The following MAP2K6 variants were observed in gnomAD, a reference collection of about 807,000 sequenced individuals.
MAP2K6 encodes the protein dual specificity mitogen-activated protein kinase kinase 6.
MAP2K6 carries 16 observed loss-of-function variants against 53.7 expected under a neutral mutation model. The observed-to-expected ratio is 0.30, with a 90% CI of 0.20 to 0.45. The LOEUF (loss-of-function observed/expected upper bound fraction) is 0.45, where lower values mean the gene tolerates loss of function less well. Among genes scored for constraint, MAP2K6 ranks in the 20% least tolerant of loss-of-function variants. The probability of loss-of-function intolerance (pLI) is 1.00; values close to 1 mark genes in which losing one functional copy is unlikely to be tolerated. For missense variants in MAP2K6, 204 were observed against 411.9 expected (o/e 0.50, Z 4.37); for synonymous variants, 132 against 143.1 (o/e 0.92, Z 0.55).
At chr17:69,475,170 T>G (rs1054392586) in intron 1 of MAP2K6, among the ~76,000 whole-genome samples, 3 of 144,528 alleles carry the variant, frequency 2.1e-5, no homozygotes, top group Non-Finnish European at 3.0e-5. Context: ...CTGTGTTTTT[T>G]TTTTTTTTTT....
At chr17:69,508,092 C>T (rs1909622308) in intron 2 of MAP2K6, among the ~76,000 whole-genome samples, 1 of 79,674 alleles carries the variant, frequency 1.3e-5, no homozygotes, top group South Asian at 4.7e-4. Flanking sequence ...GCTCTTGTTG[C>T]CCAGGCTGCA....
At chr17:69,523,308 G>C (rs866517152) in intron 7 of MAP2K6, among the ~76,000 whole-genome samples, 1 of 152,184 alleles carries the variant, frequency 6.6e-6, no homozygotes, top group Non-Finnish European at 1.5e-5. Context: ...ATTCTACAAG[G>C]CATGAACAAA....
chr17:69,422,578 G>A lies in MAP2K6; in HGVS notation c.16+7578G>A, dbSNP rs182510149. 3.1e-3 allele frequency among the ~76,000 whole-genome samples: 478 copies of A among 152,250 alleles called. 2 individuals are homozygous for A. The highest frequency in any genetic ancestry group is 4.7e-3 in the Non-Finnish European group (320 of 68,020). The stretch of plus-strand genomic sequence containing the variant: ...TTAGTCTTCTTTGGACAGACCATTA[G>A]CCCCAGGTGGAGCTGCTGATCACAA... On this transcript the variant is annotated intron_variant, in intron 1 of 11. Coordinates refer to ENST00000590474, the MANE Select transcript of MAP2K6 (RefSeq NM_002758.4).
chr17:69,481,656 C>T (rs530859106), intron 1 of MAP2K6, among the ~76,000 whole-genome samples: 3 of 152,170 alleles, frequency 2.0e-5, no homozygotes, highest in Admixed American at 2.0e-4. Flanking sequence ...AAATGACTGT[C>T]CCTCTCTATA....
chr17:69,511,650 G>A (rs1032047989), intron 2 of MAP2K6, among the ~76,000 whole-genome samples: 1 of 152,180 alleles, frequency 6.6e-6, no homozygotes, highest in African/African-American at 2.4e-5. Context: ...CAAACAGAAC[G>A]ATGCAACGGT....
At chr17:69,467,425 A>AAAGTG (rs1907849789) in intron 1 of MAP2K6, among the ~76,000 whole-genome samples, 1 of 152,246 alleles carries the variant, frequency 6.6e-6, no homozygotes, top group Admixed American at 6.5e-5. Flanking sequence ...GTAGCCAGGA[A>AAAGTG]GGCTTGAGAT....
chr17:69,438,635 G>A (rs1906723170), intron 1 of MAP2K6, among the ~76,000 whole-genome samples: 1 of 152,152 alleles, frequency 6.6e-6, no homozygotes, highest in African/African-American at 2.4e-5. Flanking sequence ...CACCCAGGCT[G>A]TAATGCAGTG....
rs144100341 is a variant in MAP2K6 at position 69,457,922 on chromosome 17, C to T, written c.16+42922C>T. 3.7e-3 allele frequency among the ~76,000 whole-genome samples: 571 copies of T among 152,312 alleles called. 3 individuals carry two copies. The highest frequency in any genetic ancestry group is 0.012 in the African/African-American group (510 of 41,558). Reference sequence around the variant, plus strand: ...GAAGATTCCTGTGCACATTAAAGTTCGGGAAGCACTGCTCTAGGCTGGTCT... The same window carrying T: ...GAAGATTCCTGTGCACATTAAAGTTTGGGAAGCACTGCTCTAGGCTGGTCT... On this transcript the variant is annotated intron_variant, in intron 1 of 11. Transcript: ENST00000590474.
intron 1 of MAP2K6, among the ~76,000 whole-genome samples, chr17:69,467,090 G>A (rs1186543861): frequency 2.0e-5 from 3 of 148,116 alleles, no homozygotes; most frequent in Admixed American, 6.7e-5. Context: ...TAATCTCAGC[G>A]GCTCCCATTC....
chr17:69,476,005 A>G (rs1908137864), intron 1 of MAP2K6, among the ~76,000 whole-genome samples: 1 of 152,192 alleles, frequency 6.6e-6, no homozygotes, highest in Non-Finnish European at 1.5e-5. Flanking sequence ...TTAGGTGTAT[A>G]ATAAGGTTGA....
intron 7 of MAP2K6, among the ~76,000 whole-genome samples, chr17:69,522,605 G>A (rs531419672): frequency 9.2e-5 from 14 of 152,118 alleles, no homozygotes; most frequent in South Asian, 6.2e-4. Flanking sequence ...GCATATGGGC[G>A]GGTGGGTTAA....
intron 1 of MAP2K6, among the ~76,000 whole-genome samples, chr17:69,432,651 C>A (rs1213163581): frequency 1.1e-5 from 1 of 94,880 alleles, no homozygotes; most frequent in South Asian, 4.0e-4. Context: ...CGGGGCCTAT[C>A]GGGAGGGGTG....
chr17:69,515,915 T>C (rs1910116234), intron 2 of MAP2K6, among the ~76,000 whole-genome samples: 1 of 152,210 alleles, frequency 6.6e-6, no homozygotes, highest in South Asian at 2.1e-4. Context: ...TTAAAACAAT[T>C]GTGAGACATG....
Position 69,548,328 on chromosome 17 carries a change from G to A in MAP2K6, c.*6575G>A, listed in dbSNP as rs747959900. 2.6e-5 allele frequency: 4 copies of A among 152,038 alleles called. No individual in the cohort carries two copies. Among genetic ancestry groups the A allele is most frequent in the Non-Finnish European group, 4.4e-5 (3 of 67,992 alleles). 9.4% of individuals were successfully genotyped at this position (152,038 alleles called of 1,614,324 possible). ...GGAAATCTTGTCTTCCCTATAGAAC[G>A]AGAACAGCTATGTAATTTGCTTCAC... On this transcript the variant is annotated 3_prime_UTR_variant, in exon 12 of 12. Coordinates refer to ENST00000590474, the MANE Select transcript of MAP2K6 (RefSeq NM_002758.4).
At chr17:69,501,341 A>G (rs1233958951) in intron 1 of MAP2K6, among the ~76,000 whole-genome samples, 2 of 152,102 alleles carry the variant, frequency 1.3e-5, no homozygotes, top group African/African-American at 4.8e-5. Context: ...AGTGGAACAT[A>G]ATCTTCTGTT....
Position 69,542,933 on chromosome 17 carries a change from A to G in MAP2K6, c.*1180A>G, listed in dbSNP as rs1270158509. 6.6e-6 allele frequency: 1 copy of G among 152,238 alleles called. No individual in the cohort carries two copies. The highest frequency in any genetic ancestry group is 1.5e-5 in the Non-Finnish European group (1 of 68,056). 9.4% of individuals were successfully genotyped at this position (152,238 alleles called of 1,614,324 possible). A position where few individuals can be genotyped will look rare whatever the true frequency, so the allele number is the denominator to read the frequency against. On this transcript the variant is annotated 3_prime_UTR_variant, in exon 12 of 12. Coordinates refer to ENST00000590474, the MANE Select transcript of MAP2K6 (RefSeq NM_002758.4). ...ATGAGGAAATAATGGGAAAGGTTGA[A>G]TTAATTCCTGGGCATGGACTACCAG... is the stretch of plus-strand genomic sequence containing the variant.
chr17:69,499,315 C>T (rs887699839), intron 1 of MAP2K6, among the ~76,000 whole-genome samples: 1 of 152,158 alleles, frequency 6.6e-6, no homozygotes, highest in Non-Finnish European at 1.5e-5. Context: ...ATGGAAGGGA[C>T]AAAAGGAAGT....
chr17:69,541,395 T>C (rs16974191), intron 11 of MAP2K6, among the ~76,000 whole-genome samples: 2,273 of 152,342 alleles, frequency 0.015, 60 homozygotes, highest in African/African-American at 0.052. Context: ...CTTTGTATTT[T>C]GCTGTAGATG....
intron 1 of MAP2K6, among the ~76,000 whole-genome samples, chr17:69,466,581 C>T (rs529682610): frequency 7.2e-5 from 11 of 152,282 alleles, no homozygotes; most frequent in African/African-American, 1.9e-4. Context: ...GGTTTGAAAC[C>T]GGGCAAGACT....
Sources: gnomAD v4.1 joint callset for allele counts (sites outside exome capture counted in the v4.1 genomes callset) on GRCh38, gnomAD v4.1.1 for gene constraint, MANE v1.5 for transcripts, NCBI Gene and HGNC (gene_info 2026-07-23, HGNC 2026-07-21) for gene names.